ADARB2: variants seen among roughly 807,000 people sequenced by gnomAD.
ADARB2 encodes the protein adenosine deaminase RNA specific B2 (inactive), also known as inactive double-stranded RNA-specific editase B2.
Under a neutral mutation model 62.2 loss-of-function variants are expected in ADARB2, and 25 were observed. That is an observed-to-expected ratio of 0.40 (90% CI 0.29 to 0.56). The LOEUF is 0.56. ADARB2 is among the 20% of genes least tolerant of loss of function. ADARB2 has a pLI of 0.43. For synonymous variants in ADARB2, 572 were observed against 500.8 expected (o/e 1.14, Z -1.90); for missense variants, 1,071 against 1,077.4 (o/e 0.99, Z 0.08).
intron 3 of ADARB2, chr10:1,290,449 A>ACAAT (rs1282132892): frequency 3.3e-5 from 5 of 152,286 alleles, no homozygotes; most frequent in African/African-American, 9.6e-5. Flanking sequence ...CACGGATGAG[A>ACAAT]CAATCAGCAC....
chr10:1,495,027 T>C (rs1031438490), intron 1 of ADARB2, among the ~76,000 whole-genome samples: 1 of 152,242 alleles, frequency 6.6e-6, no homozygotes, highest in African/African-American at 2.4e-5. Flanking sequence ...AATTTATATA[T>C]ATGTTTTAGT....
At chr10:1,524,059 AAGATAGATAGAT>A (rs34113585) in intron 1 of ADARB2, among the ~76,000 whole-genome samples, 47 of 134,834 alleles carry the variant, frequency 3.5e-4, no homozygotes, top group Middle Eastern at 4.0e-3. Context: ...TGGGGATATG[AAGATAGATAGAT>A]AGATAGATAG....
At chr10:1,485,642 GT>G (rs1490763792) in intron 1 of ADARB2, among the ~76,000 whole-genome samples, 1 of 152,166 alleles carries the variant, frequency 6.6e-6, no homozygotes, top group Non-Finnish European at 1.5e-5. Flanking sequence ...ACACTAACTT[GT>G]TCATTGCTGT....
At chr10:1,463,317 C>T (rs1025267781) in intron 1 of ADARB2, among the ~76,000 whole-genome samples, 8 of 152,166 alleles carry the variant, frequency 5.3e-5, no homozygotes, top group African/African-American at 1.4e-4. Context: ...CTGCGTGTGG[C>T]CCTCGCTGAT....
intron 3 of ADARB2, among the ~76,000 whole-genome samples, chr10:1,289,143 C>G (rs1831440904): frequency 6.6e-6 from 1 of 152,210 alleles, no homozygotes; most frequent in African/African-American, 2.4e-5. Flanking sequence ...TCTCCACACC[C>G]CTTATCCTAA....
chr10:1,327,529 G>A (rs1199921846), intron 3 of ADARB2, among the ~76,000 whole-genome samples: 11 of 71,186 alleles, frequency 1.5e-4, no homozygotes, highest in East Asian at 1.2e-3. Flanking sequence ...ATGGCACAGC[G>A]CCTCCTCACT....
At chr10:1,241,510 G>T (rs558566086) in intron 5 of ADARB2, among the ~76,000 whole-genome samples, 3 of 152,114 alleles carry the variant, frequency 2.0e-5, no homozygotes, top group Non-Finnish European at 4.4e-5. Context: ...TGAGCCCTTG[G>T]GACTGAATGG....
intron 1 of ADARB2, among the ~76,000 whole-genome samples, chr10:1,670,186 T>C (rs1361716830): frequency 6.6e-6 from 1 of 152,244 alleles, no homozygotes; most frequent in African/African-American, 2.4e-5. Context: ...TTCACTTTCC[T>C]TCTGTTAGCA....
At chr10:1,618,985 T>A (rs1833676423) in intron 1 of ADARB2, among the ~76,000 whole-genome samples, 2 of 152,196 alleles carry the variant, frequency 1.3e-5, no homozygotes, top group African/African-American at 4.8e-5. Context: ...GAACTGTAGC[T>A]TCTTGGCTGC....
At chr10:1,514,898 C>CAGTG (rs1831989736) in intron 1 of ADARB2, among the ~76,000 whole-genome samples, 1 of 152,024 alleles carries the variant, frequency 6.6e-6, no homozygotes, top group South Asian at 2.1e-4. Flanking sequence ...GCAAGACCAG[C>CAGTG]AGTGGAGCGT....
At chr10:1,264,248 C>T (rs2131793801) in intron 4 of ADARB2, among the ~76,000 whole-genome samples, 2 of 152,288 alleles carry the variant, frequency 1.3e-5, no homozygotes, top group East Asian at 3.9e-4. Context: ...TTTGTTTCAG[C>T]TTATCTTCCT....
intron 1 of ADARB2, among the ~76,000 whole-genome samples, chr10:1,708,250 C>T (rs1326453785): frequency 1.3e-5 from 2 of 152,044 alleles, no homozygotes; most frequent in African/African-American, 4.8e-5. Flanking sequence ...TTCTATGTTG[C>T]AGGAGAGGTG....
At chr10:1,199,630 CAGGTGGG>C in intron 8 of ADARB2, 6 of 178,836 alleles carry the variant, frequency 3.4e-5, no homozygotes, top group Admixed American at 8.4e-5. Context: ...GCCAGGTGGG[CAGGTGGG>C]CAGGTGGGCG....
chr10:1,345,226 A>C (rs1832069917), intron 3 of ADARB2, among the ~76,000 whole-genome samples: 1 of 152,202 alleles, frequency 6.6e-6, no homozygotes, highest in African/African-American at 2.4e-5. Flanking sequence ...GAATGGTGTC[A>C]GCATGGGCTG....
chr10:1,686,635 A>G lies in ADARB2; in HGVS notation c.100+50416T>C, dbSNP rs888348027. Among the ~76,000 whole-genome samples the G allele has an allele frequency of 5.3e-5, 8 of 152,148 alleles. No homozygotes were observed. The East Asian group carries it at 9.6e-4, about 18-fold the overall frequency. ...TTCCGGCACACAATTAGCTGATGCC[A>G]TGGTGCACCCTGGCTTGTCTCTCTC... On this transcript the variant is annotated intron_variant, in intron 1 of 9. Transcript: ENST00000381312.
chr10:1,321,134 C>G (rs931615538), intron 3 of ADARB2, among the ~76,000 whole-genome samples: 2 of 152,178 alleles, frequency 1.3e-5, no homozygotes, highest in Non-Finnish European at 2.9e-5. Context: ...GAACCCAAAT[C>G]CATCCCATTG....
rs11250512 is a variant in ADARB2, at chr10:1,439,208, T to C, written c.101-60048A>G. Among the ~76,000 whole-genome samples, 327 of 114,588 alleles carry C rather than the reference T, an allele frequency of 2.9e-3. 1 individual carries two copies. Among genetic ancestry groups the C allele is most frequent in the African/African-American group, 0.014 (307 of 21,634 alleles). The allele number at this position is 114,588 out of a possible 152,430, so 75.2% of individuals were successfully genotyped here. ...GCAGATGGAGGCAGGTTCTTCACTATGGGACTCCTGAGTCTCTCCCAGGAT... is the reference window on the plus strand; with the variant it reads ...GCAGATGGAGGCAGGTTCTTCACTACGGGACTCCTGAGTCTCTCCCAGGAT... On this transcript the variant is annotated intron_variant, in intron 1 of 9. Transcript: ENST00000381312.
chr10:1,614,649 C>T (rs916526611), intron 1 of ADARB2, among the ~76,000 whole-genome samples: 3 of 152,138 alleles, frequency 2.0e-5, no homozygotes, highest in East Asian at 1.9e-4. Context: ...TGGTGGCTTA[C>T]GCCTGTCATC....
intron 4 of ADARB2, among the ~76,000 whole-genome samples, chr10:1,258,414 A>G (rs1205213863): frequency 6.6e-6 from 1 of 152,186 alleles, no homozygotes. Context: ...CAGGAAACCC[A>G]TCTCAGCTGC....
Sources: allele counts gnomAD v4.1 joint callset (sites outside exome capture counted in the v4.1 genomes callset), GRCh38; gene constraint gnomAD v4.1.1; transcripts MANE v1.5; gene names NCBI Gene and HGNC (gene_info 2026-07-23, HGNC 2026-07-21).